KHDRBS2: variants seen among roughly 807,000 people sequenced by gnomAD.
KHDRBS2 encodes the protein KH RNA binding domain containing, signal transduction associated 2, also known as KH domain-containing, RNA-binding, signal transduction-associated protein 2.
A neutral mutation model predicts 44.3 loss-of-function variants in KHDRBS2; 26 were observed. The observed-to-expected ratio is 0.59, with a 90% CI of 0.43 to 0.81. The LOEUF (loss-of-function observed/expected upper bound fraction) is 0.81, where lower values mean the gene tolerates loss of function less well. Ranked by LOEUF, KHDRBS2 falls within the 40% of genes least tolerant of loss-of-function variation. KHDRBS2 has a pLI of 0.00. For synonymous variants in KHDRBS2, 194 were observed against 151.1 expected, an observed-to-expected ratio of 1.28 and a Z score of -2.08; for missense variants, 476 against 433.1, an observed-to-expected ratio of 1.10 and a Z score of -0.88.
At chr6:61,846,476 T>C (rs1562289587) in intron 6 of KHDRBS2, among the ~76,000 whole-genome samples, 5 of 152,290 alleles carry the variant, frequency 3.3e-5, no homozygotes, top group Middle Eastern at 3.4e-3. Context: ...GTGGTGTCTA[T>C]ATGTTGAGAA....
chr6:62,195,871 A>G (rs1290330480), intron 1 of KHDRBS2, among the ~76,000 whole-genome samples: 1 of 152,178 alleles, frequency 6.6e-6, no homozygotes, highest in Admixed American at 6.6e-5. Flanking sequence ...ATAAATGAAG[A>G]AAAAAAGAAC....
chr6:61,926,561 C>A (rs1029102585), intron 4 of KHDRBS2, among the ~76,000 whole-genome samples: 1 of 152,064 alleles, frequency 6.6e-6, no homozygotes, highest in African/African-American at 2.4e-5. Flanking sequence ...CACTCCTAGG[C>A]AGGTGTTCAA....
chr6:62,096,612 T>G (rs1287522101), intron 2 of KHDRBS2, among the ~76,000 whole-genome samples: 1 of 151,894 alleles, frequency 6.6e-6, no homozygotes, highest in East Asian at 1.9e-4. Flanking sequence ...TCTTCTCATT[T>G]TCTTAGGCTT....
intron 2 of KHDRBS2, among the ~76,000 whole-genome samples, chr6:62,162,287 C>G (rs1324821985): frequency 6.6e-6 from 1 of 152,062 alleles, no homozygotes; most frequent in Non-Finnish European, 1.5e-5. Context: ...TGAACTCTCT[C>G]TGAGCTGTTG....
intron 3 of KHDRBS2, among the ~76,000 whole-genome samples, chr6:62,029,910 C>T (rs753180073): frequency 1.3e-5 from 2 of 151,702 alleles, no homozygotes; most frequent in Admixed American, 6.6e-5. Flanking sequence ...AGCTCCTTTA[C>T]TAAGAAATAA....
chr6:61,596,802 C>T, the KHDRBS2 span, among the ~76,000 whole-genome samples: 23 of 152,218 alleles, frequency 1.5e-4, no homozygotes, highest in South Asian at 2.7e-3. Context: ...CAGGTGCATG[C>T]CACCACGCCT....
chr6:61,554,786 C>T, the KHDRBS2 span, among the ~76,000 whole-genome samples: 181 of 152,254 alleles, frequency 1.2e-3, 2 homozygotes, highest in African/African-American at 4.1e-3. Context: ...TGGCTGGATA[C>T]AAAATTCTTG....
chr6:61,618,129 C>A, the KHDRBS2 span, among the ~76,000 whole-genome samples: 3 of 152,210 alleles, frequency 2.0e-5, no homozygotes, highest in Admixed American at 6.5e-5. Context: ...GCAATGATAA[C>A]ACTTTTGAAG....
At chr6:61,670,386 A>C in the KHDRBS2 span, among the ~76,000 whole-genome samples, 22 of 151,632 alleles carry the variant, frequency 1.5e-4, no homozygotes, top group East Asian at 3.5e-3. Context: ...TACTTATTTT[A>C]CAAATTATTG....
chr6:61,592,188 C>CAAA, the KHDRBS2 span, among the ~76,000 whole-genome samples: 1,000 of 121,790 alleles, frequency 8.2e-3, 13 homozygotes, highest in African/African-American at 0.027. Flanking sequence ...AAGATCCCAC[C>CAAA]AAAAAAAAAA....
At chr6:61,756,474 G>A (rs1778503548) in intron 6 of KHDRBS2, among the ~76,000 whole-genome samples, 1 of 152,066 alleles carries the variant, frequency 6.6e-6, no homozygotes, top group Non-Finnish European at 1.5e-5. Flanking sequence ...TGACCAGGCT[G>A]GTCTCGAACT....
intron 6 of KHDRBS2, among the ~76,000 whole-genome samples, chr6:61,880,867 C>A (rs1173428345): frequency 6.6e-6 from 1 of 151,880 alleles, no homozygotes; most frequent in Non-Finnish European, 1.5e-5. Context: ...AATCCTGTTT[C>A]CAAAAAGAAA....
At chr6:62,057,268 GT>G (rs548479503) in intron 2 of KHDRBS2, among the ~76,000 whole-genome samples, 146 of 151,966 alleles carry the variant, frequency 9.6e-4, no homozygotes, top group Non-Finnish European at 1.9e-3. Context: ...AATTTCTGAA[GT>G]TTTTGGAGAC....
intron 6 of KHDRBS2, among the ~76,000 whole-genome samples, chr6:61,736,210 C>A: frequency 8.4e-5 from 2 of 23,948 alleles, no homozygotes; most frequent in Non-Finnish European, 8.1e-5. Context: ...TTTTACTTTA[C>A]TTCACACACA....
chr6:61,566,719 C>T, the KHDRBS2 span, among the ~76,000 whole-genome samples: 1 of 96,714 alleles, frequency 1.0e-5, no homozygotes, highest in Non-Finnish European at 2.4e-5. Context: ...AAAACGTTCG[C>T]TCTTTTTTTG....
intron 1 of KHDRBS2, among the ~76,000 whole-genome samples, chr6:62,278,147 T>C (rs768958570): frequency 1.6e-4 from 24 of 152,234 alleles, no homozygotes; most frequent in Non-Finnish European, 2.6e-4. Flanking sequence ...ACACGGTTTA[T>C]AGCTTTAAAA....
intron 2 of KHDRBS2, among the ~76,000 whole-genome samples, chr6:62,055,700 AT>A (rs1400711332): frequency 6.6e-6 from 1 of 152,018 alleles, no homozygotes; most frequent in East Asian, 1.9e-4. Context: ...CATAACCAGC[AT>A]TTTTATGTCT....
intron 1 of KHDRBS2, among the ~76,000 whole-genome samples, chr6:62,199,726 A>G (rs1009762480): frequency 3.3e-5 from 5 of 152,200 alleles, no homozygotes; most frequent in Admixed American, 6.5e-5. Flanking sequence ...CAGAATTCGA[A>G]AAAACTACTT....
chr6:61,887,841 A>T (rs1184413720), intron 6 of KHDRBS2, among the ~76,000 whole-genome samples: 1 of 152,218 alleles, frequency 6.6e-6, no homozygotes, highest in Non-Finnish European at 1.5e-5. Flanking sequence ...AGGAATCAAT[A>T]GTCTAAAATT....
Sources: allele counts gnomAD v4.1 joint callset (sites outside exome capture counted in the v4.1 genomes callset), GRCh38; gene constraint gnomAD v4.1.1; transcripts MANE v1.5; gene names NCBI Gene and HGNC (gene_info 2026-07-23, HGNC 2026-07-21).